STAT4: variants seen among roughly 807,000 people sequenced by gnomAD.
The protein encoded by STAT4 is signal transducer and activator of transcription 4.
Under a neutral mutation model 110.5 loss-of-function variants are expected in STAT4, and 42 were observed. The ratio of observed to expected loss-of-function variants is 0.38; its 90% confidence interval spans 0.30 to 0.49. The LOEUF is 0.49. STAT4 is among the 20% of genes least tolerant of loss of function. The probability of loss-of-function intolerance (pLI) is 0.95; values close to 1 mark genes in which losing one functional copy is unlikely to be tolerated. For synonymous variants in STAT4, 284 were observed against 302.2 expected (o/e 0.94, Z 0.63); for missense variants, 632 against 887.9 (o/e 0.71, Z 3.66).
chr2:191,036,380 T>C (rs1027062572), intron 16 of STAT4, 81 bp from the exon 17 acceptor site: 2 of 1,383,234 alleles, frequency 1.4e-6, no homozygotes, highest in African/African-American at 1.4e-5. Flanking sequence ...AAGAGAGGTC[T>C]CCCCCTCTCC....
At chr2:191,079,118 C>T (rs1408472129) in intron 3 of STAT4, among the ~76,000 whole-genome samples, 1 of 151,752 alleles carries the variant, frequency 6.6e-6, no homozygotes, top group Admixed American at 6.6e-5. Flanking sequence ...TCTCTCTCTG[C>T]TTCATCAATA....
At chr2:191,056,269 C>T (rs1423072536) in intron 13 of STAT4, among the ~76,000 whole-genome samples, 1 of 152,132 alleles carries the variant, frequency 6.6e-6, no homozygotes, top group Non-Finnish European at 1.5e-5. Context: ...AACATGGTTT[C>T]TGGCGAGAAA....
intron 6 of STAT4, among the ~76,000 whole-genome samples, chr2:191,067,820 G>A (rs1016504328): frequency 6.6e-6 from 1 of 152,108 alleles, no homozygotes; most frequent in Non-Finnish European, 1.5e-5. Context: ...GCAAGTGCCT[G>A]TTCATACCAA....
Position 191,083,681 on chromosome 2 carries a change from C to T in STAT4, c.274-7356G>A, listed in dbSNP as rs1431943808. On this transcript the variant is annotated intron_variant, in intron 3 of 23. Coordinates refer to ENST00000392320, the MANE Select transcript of STAT4 (RefSeq NM_003151.4). The surrounding 1 kb of genome is among the most constrained non-coding windows in gnomAD (Gnocchi z 4.6). ...TTAGAAATGTGCAACCTACTGCGTA[C>T]TTCTGGTTGCCAACTAGCTCTCTCT... 6.6e-6 allele frequency among the ~76,000 whole-genome samples: 1 copy of T among 152,116 alleles called. No homozygotes were observed. The highest frequency in any genetic ancestry group is 1.5e-5 in the Non-Finnish European group (1 of 68,022).
chr2:191,033,799 A>AT lies in STAT4; in HGVS notation c.1715+111dup. On this transcript the variant is annotated intron_variant, in intron 19 of 23. Transcript: ENST00000392320. This position sits in a 1 kb window ranked among gnomAD's most constrained non-coding sequence, Gnocchi z 6.9. ...CCACAAAGAATAAGAAATTGCAACT[A>AT]TTTTTTTCTGTGGTACTAAACATGC... 12 of 1,340,302 alleles carry AT rather than the reference A, an allele frequency of 9.0e-6. No homozygotes were observed. Among genetic ancestry groups the AT allele is most frequent in the South Asian group, 1.5e-5 (1 of 68,766 alleles). The allele number at this position is 1,340,302 out of a possible 1,614,324, so 83.0% of individuals were successfully genotyped here.
chr2:191,041,262 C>A, intron 14 of STAT4, 114 bp from the exon 15 acceptor site: 1 of 402,896 alleles, frequency 2.5e-6, no homozygotes, highest in Non-Finnish European at 4.0e-6. Context: ...AGTAAATACC[C>A]CCAAACAGTC....
chr2:191,066,654 T>G lies in STAT4; in HGVS notation c.545-139A>C. On this transcript the variant is annotated intron_variant, in intron 6 of 23. Transcript: ENST00000392320. This position sits in a 1 kb window ranked among gnomAD's most constrained non-coding sequence, Gnocchi z 4.3. ...TAATTGGGTTCACTAGAGGTGAGCT[T>G]GGAAGTCTGTCTGCTCATTTTGCCA... is the stretch of plus-strand genomic sequence containing the variant. The G allele has an allele frequency of 3.1e-6, 2 of 648,216 alleles. No homozygotes were observed. Among genetic ancestry groups the G allele is most frequent in the South Asian group, 4.4e-5 (2 of 45,054 alleles). The allele number at this position is 648,216 out of a possible 1,614,324, so 40.2% of individuals were successfully genotyped here.
Position 191,030,064 on chromosome 2 carries a change from A to G in STAT4, c.2221-198T>C, listed in dbSNP as rs1695843226. On this transcript the variant is annotated intron_variant, in intron 23 of 23. Coordinates refer to ENST00000392320, the MANE Select transcript of STAT4 (RefSeq NM_003151.4). The surrounding 1 kb of genome is among the most constrained non-coding windows in gnomAD (Gnocchi z 4.4). ...AAAATAAAAGGTACCTTTCAAGGAGACAGAAAAGTGTTTTAAGAAAAAGGC... is the reference window on the plus strand; with the variant it reads ...AAAATAAAAGGTACCTTTCAAGGAGGCAGAAAAGTGTTTTAAGAAAAAGGC... Among the ~76,000 whole-genome samples, 1 of 152,234 alleles carries G rather than the reference A, an allele frequency of 6.6e-6. No homozygotes were observed.
In STAT4 at chr2:191,080,995, C is replaced by T. The variant is rs111475001; in HGVS notation, c.274-4670G>A. Among the ~76,000 whole-genome samples, 10 of 152,214 alleles carry T rather than the reference C, an allele frequency of 6.6e-5. No homozygotes were observed. The East Asian group carries it at 1.2e-3, about 18-fold the overall frequency. On this transcript the variant is annotated intron_variant, in intron 3 of 23. Transcript: ENST00000392320. ...TCCTAATGCTATCCCTTCCCTAGCC[C>T]CCCATCCCCTGACAGGCCCTGGTGT...
chr2:191,074,201 G>A (rs1697246823), intron 4 of STAT4, among the ~76,000 whole-genome samples: 1 of 152,174 alleles, frequency 6.6e-6, no homozygotes, highest in African/African-American at 2.4e-5. Flanking sequence ...GTGTTCCTTA[G>A]ATAAAAAGTT....
At chr2:191,076,548 C>T (rs1697323664) in intron 3 of STAT4, among the ~76,000 whole-genome samples, 1 of 151,934 alleles carries the variant, frequency 6.6e-6, no homozygotes, top group Non-Finnish European at 1.5e-5. Context: ...TCAAAAATAA[C>T]TTTTAACAAT....
rs1167634193 is a variant in STAT4 at position 191,083,555 on chromosome 2, T to C, written c.274-7230A>G. Among the ~76,000 whole-genome samples the C allele has an allele frequency of 6.6e-6, 1 of 152,212 alleles. No homozygotes were observed. The highest frequency in any genetic ancestry group is 1.5e-5 in the Non-Finnish European group (1 of 68,030). On this transcript the variant is annotated intron_variant, in intron 3 of 23. Transcript: ENST00000392320. The surrounding 1 kb of genome is among the most constrained non-coding windows in gnomAD (Gnocchi z 4.6). ...TCATTTTTTTAACTACCTACAACCATACTTCTCTCAAATGTAGATATTTAT... is the reference window on the plus strand; with the variant it reads ...TCATTTTTTTAACTACCTACAACCACACTTCTCTCAAATGTAGATATTTAT...
intron 3 of STAT4, among the ~76,000 whole-genome samples, chr2:191,130,750 C>A (rs1226656086): frequency 1.3e-5 from 2 of 151,522 alleles, no homozygotes; most frequent in African/African-American, 2.4e-5. Flanking sequence ...TTGTGGTGAG[C>A]TTATCTGTGC....
intron 3 of STAT4, among the ~76,000 whole-genome samples, chr2:191,097,624 A>G (rs1455281672): frequency 6.6e-6 from 1 of 152,236 alleles, no homozygotes; most frequent in African/African-American, 2.4e-5. Flanking sequence ...TTAATTCAAG[A>G]TGGATTAAAG....
At chr2:191,034,052 A>C in intron 18 of STAT4, 47 bp from the exon 19 acceptor site, 4 of 1,272,642 alleles carry the variant, frequency 3.1e-6, no homozygotes, top group Non-Finnish European at 3.3e-6. Flanking sequence ...TTTAAGTAAT[A>C]ATGTTGATAT....
chr2:191,132,895 C>CT (rs1699079708), intron 3 of STAT4, among the ~76,000 whole-genome samples: 1 of 151,286 alleles, frequency 6.6e-6, no homozygotes, highest in South Asian at 2.1e-4. Flanking sequence ...GCTGAGACTG[C>CT]AGGCGCCCGC....
Position 191,135,532 on chromosome 2 carries a change from G to A in STAT4, c.273+11081C>T, listed in dbSNP as rs1699157289. Among the ~76,000 whole-genome samples the A allele has an allele frequency of 6.6e-6, 1 of 152,168 alleles. No homozygotes were observed. The highest frequency in any genetic ancestry group is 2.1e-4 in the South Asian group (1 of 4,830). ...TCTGTCGCCCAGGCTGGAGTGCAGT[G>A]GCGTGATCTCAGCTCACTGCAACCT... On this transcript the variant is annotated intron_variant, in intron 3 of 23. Transcript: ENST00000392320. This position sits in a 1 kb window ranked among gnomAD's most constrained non-coding sequence, Gnocchi z 4.8.
chr2:191,091,520 A>G lies in STAT4; in HGVS notation c.274-15195T>C, dbSNP rs547904579. Among the ~76,000 whole-genome samples, 22 of 152,196 alleles carry G rather than the reference A, an allele frequency of 1.4e-4. No homozygotes were observed. The highest frequency in any genetic ancestry group is 2.8e-4 in the Non-Finnish European group (19 of 68,038). ...GTCTCAAAATGAGTATGTGTGTTTA[A>G]TGCAATTAAAGTTAGAGTCCTAACT... On this transcript the variant is annotated intron_variant, in intron 3 of 23. Coordinates refer to ENST00000392320, the MANE Select transcript of STAT4 (RefSeq NM_003151.4). This position sits in a 1 kb window ranked among gnomAD's most constrained non-coding sequence, Gnocchi z 5.4.
At chr2:191,075,742 A>G (rs1013273020) in intron 4 of STAT4, among the ~76,000 whole-genome samples, 1 of 151,944 alleles carries the variant, frequency 6.6e-6, no homozygotes, top group Admixed American at 6.5e-5. Context: ...TGATACTAAG[A>G]CCTTGATTGC....
Sources: gnomAD v4.1 joint callset for allele counts (sites outside exome capture counted in the v4.1 genomes callset) on GRCh38, gnomAD v4.1.1 for gene constraint, Gnocchi (gnomAD v3.1) non-coding constraint, MANE v1.5 for transcripts, NCBI Gene and HGNC (gene_info 2026-07-23, HGNC 2026-07-21) for gene names.